The following LRMDA variants were observed in gnomAD, a reference collection of about 807,000 sequenced individuals.
The protein encoded by LRMDA is leucine-rich melanocyte differentiation-associated protein.
In LRMDA, 18 loss-of-function variants were observed where a neutral mutation model predicts 29.8. The observed-to-expected ratio is 0.60, with a 90% CI of 0.42 to 0.90. The LOEUF is 0.90. Among genes scored for constraint, LRMDA ranks in the 40% least tolerant of loss-of-function variants. The probability of loss-of-function intolerance (pLI) is 0.00; values close to 1 mark genes in which losing one functional copy is unlikely to be tolerated. For missense variants in LRMDA, 273 were observed against 273.9 expected (o/e 1.00, Z 0.02); for synonymous variants, 125 against 109.4 (o/e 1.14, Z -0.89).
intron 2 of LRMDA, among the ~76,000 whole-genome samples, chr10:75,536,398 C>T (rs1032765002): frequency 2.0e-5 from 3 of 152,178 alleles, no homozygotes; most frequent in Admixed American, 2.0e-4. Context: ...GTCCCAGCCT[C>T]TACCTCTTGA....
chr10:75,988,471 A>G (rs1410602261), intron 2 of LRMDA, among the ~76,000 whole-genome samples: 1 of 151,722 alleles, frequency 6.6e-6, no homozygotes, highest in Non-Finnish European at 1.5e-5. Flanking sequence ...ACATGCACAC[A>G]TGCCTCTCTA....
intron 6 of LRMDA, among the ~76,000 whole-genome samples, chr10:76,487,077 A>G (rs985905263): frequency 6.6e-6 from 1 of 151,938 alleles, no homozygotes; most frequent in East Asian, 1.9e-4. Context: ...TTGGGCAGTA[A>G]CAACATTAAG....
At chr10:76,015,780 T>A (rs1344090222) in intron 2 of LRMDA, among the ~76,000 whole-genome samples, 1 of 152,212 alleles carries the variant, frequency 6.6e-6, no homozygotes, top group Admixed American at 6.5e-5. Context: ...ACAGATTTCA[T>A]TGGCTATCTT....
intron 5 of LRMDA, among the ~76,000 whole-genome samples, chr10:76,173,668 AT>A (rs1169822660): frequency 2.7e-5 from 4 of 150,618 alleles, no homozygotes; most frequent in Non-Finnish European, 3.0e-5. Context: ...GCCATTTATA[AT>A]TTTTTTTTTG....
At chr10:76,528,891 A>G (rs1843205777) in intron 6 of LRMDA, among the ~76,000 whole-genome samples, 1 of 152,126 alleles carries the variant, frequency 6.6e-6, no homozygotes, top group Non-Finnish European at 1.5e-5. Context: ...TCCAAGTTCC[A>G]AGTAGCAGGA....
At chr10:76,359,894 C>T (rs563407215) in intron 6 of LRMDA, among the ~76,000 whole-genome samples, 57 of 152,278 alleles carry the variant, frequency 3.7e-4, no homozygotes, top group African/African-American at 1.3e-3. Context: ...GCAAGTTTTA[C>T]CTTTGCTCAT....
At chr10:75,743,439 T>C (rs1842854189) in intron 2 of LRMDA, 1 of 152,218 alleles carries the variant, frequency 6.6e-6, no homozygotes, top group Non-Finnish European at 1.5e-5. Flanking sequence ...GTCTGGTAAC[T>C]CCTAAGCCTG....
chr10:76,254,325 C>T (rs147449541), intron 5 of LRMDA, among the ~76,000 whole-genome samples: 4 of 138,810 alleles, frequency 2.9e-5, no homozygotes, highest in African/African-American at 9.7e-5. Context: ...CATACCATAC[C>T]ATACCATACC....
chr10:75,510,955 G>A (rs1340996148), intron 2 of LRMDA, among the ~76,000 whole-genome samples: 1 of 152,284 alleles, frequency 6.6e-6, no homozygotes, highest in East Asian at 1.9e-4. Context: ...CAAGGCAGTT[G>A]ACATGGTAAC....
chr10:75,954,179 C>CT (rs1846625547), intron 2 of LRMDA, among the ~76,000 whole-genome samples: 1 of 152,158 alleles, frequency 6.6e-6, no homozygotes, highest in African/African-American at 2.4e-5. Flanking sequence ...AGAAGGCGAT[C>CT]TTTTCCCCCA....
At chr10:76,427,023 G>A (rs568005304) in intron 6 of LRMDA, among the ~76,000 whole-genome samples, 1 of 152,320 alleles carries the variant, frequency 6.6e-6, no homozygotes, top group South Asian at 2.1e-4. Context: ...AGTATAGTTT[G>A]AAGTCAGGTA....
chr10:75,921,336 G>A (rs1846022460), intron 2 of LRMDA, among the ~76,000 whole-genome samples: 2 of 152,198 alleles, frequency 1.3e-5, no homozygotes, highest in African/African-American at 2.4e-5. Flanking sequence ...AGACATATAT[G>A]TGTAGAAAGA....
At chr10:76,287,381 GA>G (rs2132342483) in intron 5 of LRMDA, among the ~76,000 whole-genome samples, 1 of 152,116 alleles carries the variant, frequency 6.6e-6, no homozygotes, top group African/African-American at 2.4e-5. Context: ...ATCCTGTTCT[GA>G]ATTCCTTCAG....
In LRMDA at chr10:76,213,487, TAA is replaced by T. The variant is rs1389952378; in HGVS notation, c.517-110913_517-110912del. On this transcript the variant is annotated intron_variant, in intron 5 of 6. Transcript: ENST00000611255. ...ATGGCACAGTTATAGACTTGGTGGT[TAA>T]TTAAACATCTTTTCTAATCAAATTA... Among the ~76,000 whole-genome samples, 137 of 152,384 alleles carry T rather than the reference TAA, an allele frequency of 9.0e-4. 1 individual carries two copies. Among genetic ancestry groups the T allele is most frequent in the African/African-American group, 2.9e-3 (121 of 41,592 alleles).
At chr10:75,578,711 A>T (rs1459581144) in intron 2 of LRMDA, among the ~76,000 whole-genome samples, 1 of 152,208 alleles carries the variant, frequency 6.6e-6, no homozygotes, top group Non-Finnish European at 1.5e-5. Context: ...ACCACAGTGC[A>T]ATCAAATTAG....
At chr10:76,399,551 C>T (rs1320592100) in intron 6 of LRMDA, among the ~76,000 whole-genome samples, 1 of 152,184 alleles carries the variant, frequency 6.6e-6, no homozygotes, top group Non-Finnish European at 1.5e-5. Context: ...ATATAGATTT[C>T]CAGCCTTCAT....
chr10:76,157,472 G>A (rs2132173158), intron 5 of LRMDA, among the ~76,000 whole-genome samples: 1 of 152,156 alleles, frequency 6.6e-6, no homozygotes, highest in South Asian at 2.1e-4. Context: ...AAATTAGCCA[G>A]GTGTGATAGC....
intron 5 of LRMDA, among the ~76,000 whole-genome samples, chr10:76,082,633 A>T (rs1849066350): frequency 6.6e-6 from 1 of 152,188 alleles, no homozygotes; most frequent in African/African-American, 2.4e-5. Context: ...GTAAATTAAT[A>T]TAAGAATAAA....
chr10:76,012,487 G>A (rs1177196409), intron 2 of LRMDA, among the ~76,000 whole-genome samples: 1 of 152,096 alleles, frequency 6.6e-6, no homozygotes, highest in African/African-American at 2.4e-5. Flanking sequence ...GCTTTCCTCC[G>A]AGTCTTTTTT....
Sources: gnomAD v4.1 joint callset for allele counts (sites outside exome capture counted in the v4.1 genomes callset) on GRCh38, gnomAD v4.1.1 for gene constraint, MANE v1.5 for transcripts, NCBI Gene and HGNC (gene_info 2026-07-23, HGNC 2026-07-21) for gene names.